Variants in CEP72 observed in about 807,000 individuals in gnomAD.
CEP72 encodes the protein centrosomal protein 72.
In CEP72, 78 loss-of-function variants were observed where a neutral mutation model predicts 65.7. That is an observed-to-expected ratio of 1.19 (90% CI 0.99 to 1.43). The LOEUF is 1.43. Among genes scored for constraint, CEP72 ranks in the 40% most tolerant of loss-of-function variants. The pLI is 0.00. For synonymous variants in CEP72, 358 were observed against 351.7 expected (o/e 1.02, Z -0.20); for missense variants, 914 against 832.9 (o/e 1.10, Z -1.20).
At chr5:647,615 A>G (rs1405060121) in intron 10 of CEP72, among the ~76,000 whole-genome samples, 190 bp from the exon 11 acceptor site, 1 of 152,246 alleles carries the variant, frequency 6.6e-6, no homozygotes, top group African/African-American at 2.4e-5. Context: ...CCCAGGGTAG[A>G]AACAGCACAG....
intron 2 of CEP72, among the ~76,000 whole-genome samples, chr5:619,764 G>A (rs1736259189): frequency 6.6e-6 from 1 of 152,202 alleles, no homozygotes; most frequent in Non-Finnish European, 1.5e-5. Context: ...ACCCTGTAGG[G>A]CGGCGTGTGG....
the CEP72 span, among the ~76,000 whole-genome samples, chr5:674,550 T>C: frequency 6.6e-6 from 1 of 152,134 alleles, no homozygotes; most frequent in Non-Finnish European, 1.5e-5. Flanking sequence ...ACAAGGGCAC[T>C]GTCTGTGCCA....
At position 644,312 on chromosome 5, in the gene CEP72, A is replaced by T; in HGVS notation, c.1553A>T (p.Gln518Leu). The part of the protein sequence containing the change: ...HTHKELDDLR[Q>L]HLDKSLEENS... Reference sequence around the variant, plus strand: ...CTGTGTCCGCAGGATGATTTGAGACAACATTTAGATAAATCTTTGGAAGAG... The same window carrying T: ...CTGTGTCCGCAGGATGATTTGAGACTACATTTAGATAAATCTTTGGAAGAG... Residue 518 changes from glutamine (Q) to leucine (L), a missense_variant, in exon 10 of 12, where the codon CAA becomes CTA. Coordinates refer to ENST00000264935, the MANE Select transcript of CEP72 (RefSeq NM_018140.4). The T allele has an allele frequency of 6.2e-7, 1 of 1,613,624 alleles. No individual in the cohort carries two copies. Among genetic ancestry groups the T allele is most frequent in the South Asian group, 1.1e-5 (1 of 90,898 alleles).
rs773239729 is a variant in CEP72, at chr5:640,390, T to C, written c.1343-18T>C. The C allele has an allele frequency of 1.9e-6, 3 of 1,607,930 alleles. No homozygotes were observed. Among genetic ancestry groups the C allele is most frequent in the Admixed American group, 1.7e-5 (1 of 59,670 alleles). On this transcript the variant is annotated intron_variant, in intron 8 of 11. Coordinates refer to ENST00000264935, the MANE Select transcript of CEP72 (RefSeq NM_018140.4). ...TTTAAGCCTAAGTGCTAATGTAATA[T>C]TTGGTTTTCACTCCTAGCTCAGGCA... is the stretch of plus-strand genomic sequence containing the variant.
chr5:665,227 G>A (rs767604979), exon 3 of CEP72: 10 of 1,613,866 alleles, frequency 6.2e-6, no homozygotes, highest in South Asian at 2.2e-5. Flanking sequence ...GGGTCGAAGC[G>A]CTCCTTGTGG....
chr5:669,412 C>T (rs1402647703), downstream of CEP72, among the ~76,000 whole-genome samples: 1 of 152,164 alleles, frequency 6.6e-6, no homozygotes, highest in Admixed American at 6.5e-5. Flanking sequence ...GCCAGGCCAC[C>T]CCAGGCAGCC....
chr5:665,957 C>A, exon 4 of CEP72: 1 of 1,576,128 alleles, frequency 6.3e-7, no homozygotes, highest in Non-Finnish European at 8.6e-7. Context: ...CCTTCCATCC[C>A]CGCCCTGCTC....
At position 633,797 on chromosome 5, in the gene CEP72, G is replaced by A. The variant is rs751321234; in HGVS notation, c.541G>A (p.Glu181Lys). The A allele has an allele frequency of 4.3e-6, 7 of 1,614,100 alleles. No homozygotes were observed. The highest frequency in any genetic ancestry group is 4.0e-5 in the African/African-American group (3 of 75,068). Reference protein sequence around the residue: ...RPHHPRAKCTEALAKQSLVMD... With the variant: ...RPHHPRAKCTKALAKQSLVMD... The stretch of plus-strand genomic sequence containing the variant: ...ACACCACCCCAGAGCCAAGTGCACC[G>A]AGGCCTTGGCCAAGCAGAGCCTGGT... The change falls in exon 5 of 12, where the codon GAG becomes AAG. Residue 181 changes from glutamate to lysine, a missense_variant. Transcript: ENST00000264935.
At chr5:647,458 C>T (rs1312799228) in intron 10 of CEP72, among the ~76,000 whole-genome samples, 1 of 152,228 alleles carries the variant, frequency 6.6e-6, no homozygotes, top group Non-Finnish European at 1.5e-5. Context: ...TTCAGGGGCA[C>T]AGTGTGCTTC....
intron 9 of CEP72, chr5:642,437 A>G: frequency 1.0e-6 from 1 of 985,474 alleles, no homozygotes; most frequent in Non-Finnish European, 1.2e-6. Context: ...GGCTGTCTGG[A>G]AAGTGAGCTG....
At chr5:673,147 G>C in the CEP72 span, among the ~76,000 whole-genome samples, 2 of 150,626 alleles carry the variant, frequency 1.3e-5, no homozygotes, top group African/African-American at 5.0e-5. Flanking sequence ...TCCCCAAAAT[G>C]CAAAACAAAA....
At chr5:640,841 G>C in intron 9 of CEP72, 1 of 985,456 alleles carries the variant, frequency 1.0e-6, no homozygotes, top group Non-Finnish European at 1.2e-6. Flanking sequence ...CTCTCCCCGG[G>C]CCCAAGGGAC....
downstream of CEP72, among the ~76,000 whole-genome samples, chr5:657,442 G>A (rs1342540502): frequency 6.6e-6 from 1 of 152,198 alleles, no homozygotes; most frequent in Non-Finnish European, 1.5e-5. Context: ...AATGAGCTAG[G>A]TTGTGTATTC....
intron 4 of CEP72, among the ~76,000 whole-genome samples, chr5:633,505 G>C (rs192139599): frequency 2.7e-5 from 4 of 148,004 alleles, no homozygotes; most frequent in Admixed American, 1.4e-4. Context: ...GTCCAGTGCT[G>C]GGATTTGGCC....
downstream of CEP72, among the ~76,000 whole-genome samples, chr5:654,080 AGTGT>A (rs70955274): frequency 6.7e-5 from 8 of 120,044 alleles, no homozygotes; most frequent in Non-Finnish European, 1.4e-4. Context: ...GTGTGCGCCT[AGTGT>A]GTGTGTGCTA....
rs1281264248 is a variant in CEP72, at chr5:623,120, CAG to C, written c.404-1346_404-1345del. Among the ~76,000 whole-genome samples, 2 of 151,560 alleles carry C rather than the reference CAG, an allele frequency of 1.3e-5. No individual in the cohort carries two copies. Among genetic ancestry groups the C allele is most frequent in the Non-Finnish European group, 2.9e-5 (2 of 67,920 alleles). On this transcript the variant is annotated intron_variant, in intron 3 of 11. Transcript: ENST00000264935. This position sits in a 1 kb window ranked among gnomAD's most constrained non-coding sequence, Gnocchi z 5.3. ...GACCGTCTCCCTCTTAGTGTTTCTG[CAG>C]AGAGTTTCTGCAGAGAAGGAGCGCA...
intron 1 of CEP72, among the ~76,000 whole-genome samples, chr5:616,831 T>TGCGCGC (rs1459436114): frequency 6.8e-6 from 1 of 147,768 alleles, no homozygotes; most frequent in Non-Finnish European, 1.5e-5. Flanking sequence ...TGTGTGTGTG[T>TGCGCGC]GCGCGCGAGT....
chr5:648,991 G>A (rs1580021105), intron 11 of CEP72, among the ~76,000 whole-genome samples: 2 of 150,352 alleles, frequency 1.3e-5, no homozygotes, highest in African/African-American at 4.9e-5. Context: ...TGTGAGGTAT[G>A]TGACCATGGG....
At chr5:672,692 G>A in the CEP72 span, among the ~76,000 whole-genome samples, 1 of 152,240 alleles carries the variant, frequency 6.6e-6, no homozygotes, top group African/African-American at 2.4e-5. Context: ...GGCGCTGGGA[G>A]ATTCGCTGTC....
Sources: allele counts gnomAD v4.1 joint callset (sites outside exome capture counted in the v4.1 genomes callset), GRCh38; gene constraint gnomAD v4.1.1; non-coding constraint Gnocchi (gnomAD v3.1); transcripts MANE v1.5; gene names NCBI Gene and HGNC (gene_info 2026-07-23, HGNC 2026-07-21).